The following PCDH15 variants were observed in gnomAD, a reference collection of about 807,000 sequenced individuals.
PCDH15 encodes the protein protocadherin related 15, also known as protocadherin-15.
Under a neutral mutation model 178.5 loss-of-function variants are expected in PCDH15, and 129 were observed. The ratio of observed to expected loss-of-function variants is 0.72; its 90% confidence interval spans 0.63 to 0.84. PCDH15 has a LOEUF of 0.84. Ranked by LOEUF, PCDH15 falls within the 40% of genes least tolerant of loss-of-function variation. The pLI, the probability that PCDH15 is intolerant of heterozygous loss-of-function variation, is 0.00. For missense variants in PCDH15, 2,230 were observed against 2,099.9 expected (o/e 1.06, Z -1.21); for synonymous variants, 800 against 732.0 (o/e 1.09, Z -1.50).
chr10:54,739,756 A>G (rs757248580), intron 1 of PCDH15, among the ~76,000 whole-genome samples: 9 of 152,050 alleles, frequency 5.9e-5, no homozygotes, highest in Non-Finnish European at 1.2e-4. Context: ...ACTCATTTCA[A>G]AAATGGTGCC....
intron 7 of PCDH15, among the ~76,000 whole-genome samples, chr10:54,323,968 C>A (rs1282952374): frequency 2.0e-5 from 3 of 152,072 alleles, no homozygotes; most frequent in Non-Finnish European, 2.9e-5. Context: ...ATTATATTAT[C>A]ATTTATAGCC....
At chr10:54,879,990 T>C (rs907768447) in intron 3 of PCDH15, among the ~76,000 whole-genome samples, 1 of 151,734 alleles carries the variant, frequency 6.6e-6, no homozygotes. Context: ...AGTTCTTCCC[T>C]ATCTACACTG....
intron 5 of PCDH15, among the ~76,000 whole-genome samples, chr10:54,349,380 A>G (rs1447691678): frequency 5.9e-5 from 9 of 152,210 alleles, no homozygotes; most frequent in Non-Finnish European, 1.2e-4. Context: ...TATGACAGAA[A>G]TTTGTTGGAA....
intron 2 of PCDH15, among the ~76,000 whole-genome samples, chr10:55,568,252 T>C (rs1480734152): frequency 3.3e-5 from 5 of 151,984 alleles, no homozygotes; most frequent in Non-Finnish European, 7.4e-5. Context: ...TGCTAATATA[T>C]GCTACAACAT....
intron 20 of PCDH15, among the ~76,000 whole-genome samples, chr10:54,011,155 T>C (rs77635219): frequency 5.1e-4 from 78 of 152,222 alleles, no homozygotes; most frequent in Admixed American, 1.3e-3. Context: ...AGTTTTGAGT[T>C]TCCCTCAGGT....
chr10:55,468,720 A>G (rs1379533163), intron 2 of PCDH15, among the ~76,000 whole-genome samples: 1 of 152,196 alleles, frequency 6.6e-6, no homozygotes, highest in African/African-American at 2.4e-5. Flanking sequence ...AAATATTTGA[A>G]TTTCATTTGA....
chr10:54,920,799 T>C (rs902620855), intron 2 of PCDH15, among the ~76,000 whole-genome samples: 7 of 152,180 alleles, frequency 4.6e-5, no homozygotes, highest in Non-Finnish European at 1.0e-4. Context: ...CAGAATGGAA[T>C]ATACACAACT....
At chr10:53,925,423 T>A (rs1311617753) in intron 25 of PCDH15, among the ~76,000 whole-genome samples, 2 of 151,916 alleles carry the variant, frequency 1.3e-5, no homozygotes, top group Non-Finnish European at 1.5e-5. Context: ...CGCCCGAACA[T>A]CAGAAGGAAA....
At chr10:55,447,079 T>A (rs2132076567) in intron 2 of PCDH15, among the ~76,000 whole-genome samples, 1 of 152,060 alleles carries the variant, frequency 6.6e-6, no homozygotes, top group South Asian at 2.1e-4. Flanking sequence ...TAAAGAAGTG[T>A]CAAACACAAT....
chr10:55,321,127 GGAAAA>G (rs966515586), upstream of PCDH15, among the ~76,000 whole-genome samples: 6 of 150,952 alleles, frequency 4.0e-5, no homozygotes, highest in Admixed American at 1.3e-4. Flanking sequence ...GAAAGAGAAA[GGAAAA>G]GAAAAGAAAA....
intron 3 of PCDH15, among the ~76,000 whole-genome samples, chr10:54,481,165 C>A (rs2078689580): frequency 6.6e-6 from 1 of 151,884 alleles, no homozygotes; most frequent in Non-Finnish European, 1.5e-5. Context: ...ATAGCACAGT[C>A]ATATAGTTCA....
intron 1 of PCDH15, among the ~76,000 whole-genome samples, chr10:54,753,901 T>G (rs79393520): frequency 0.014 from 562 of 39,462 alleles, 4 homozygotes; most frequent in Non-Finnish European, 0.021. Flanking sequence ...TGTGTTTTTT[T>G]TTTTTTTTTT....
intron 3 of PCDH15, among the ~76,000 whole-genome samples, chr10:54,491,517 G>A (rs2079591972): frequency 6.6e-6 from 1 of 152,040 alleles, no homozygotes; most frequent in African/African-American, 2.4e-5. Context: ...TAGAGTAGAT[G>A]ATTAGAAAGT....
chr10:53,892,020 GTTTTTTTTTTTTTTT>G (rs869122093), intron 26 of PCDH15, among the ~76,000 whole-genome samples: 1 of 91,864 alleles, frequency 1.1e-5, no homozygotes, highest in East Asian at 3.6e-4. Flanking sequence ...TTACATCTAT[GTTTTTTTTTTTTTTT>G]TTTTTTTTTC....
At position 54,185,230 on chromosome 10, in the gene PCDH15, G is replaced by A. The variant is rs2133818301; in HGVS notation, c.1344C>T (p.Tyr448=). Residue 448 remains tyrosine, a synonymous_variant, in exon 12 of 38, where the codon TAC becomes TAT. Coordinates refer to ENST00000644397, the MANE Select transcript of PCDH15 (RefSeq NM_001384140.1). The stretch of plus-strand genomic sequence containing the variant: ...TCTGTGTGACGGTGAAGACTGAGGT[G>A]TAGTCATTCAGAAAAAGGTGAAGCT... The part of the protein sequence containing the change: ...DPELHLFLND[Y]TSVFTVTQTG... 1.2e-6 allele frequency: 2 copies of A among 1,613,564 alleles called. No individual in the cohort carries two copies.
chr10:55,120,864 G>A (rs1192433953), intron 2 of PCDH15, among the ~76,000 whole-genome samples: 1 of 152,168 alleles, frequency 6.6e-6, no homozygotes, highest in Non-Finnish European at 1.5e-5. Context: ...TAGGTGCATA[G>A]AGTACAAAAG....
intron 3 of PCDH15, among the ~76,000 whole-genome samples, chr10:54,481,917 C>T (rs2078746632): frequency 6.6e-6 from 1 of 151,684 alleles, no homozygotes; most frequent in Non-Finnish European, 1.5e-5. Flanking sequence ...TGCATATATT[C>T]AGAGCTCCAT....
At chr10:53,933,494 G>C (rs1185707758) in intron 25 of PCDH15, among the ~76,000 whole-genome samples, 1 of 152,096 alleles carries the variant, frequency 6.6e-6, no homozygotes, top group Non-Finnish European at 1.5e-5. Flanking sequence ...CCCTATAAAG[G>C]ACATGAACTC....
At chr10:55,403,379 T>G (rs1049407592) in intron 2 of PCDH15, among the ~76,000 whole-genome samples, 1 of 151,798 alleles carries the variant, frequency 6.6e-6, no homozygotes, top group African/African-American at 2.4e-5. Flanking sequence ...TAGTTTAATA[T>G]AGTACCATTT....
Sources: allele counts gnomAD v4.1 joint callset (sites outside exome capture counted in the v4.1 genomes callset), GRCh38; gene constraint gnomAD v4.1.1; transcripts MANE v1.5; gene names NCBI Gene and HGNC (gene_info 2026-07-23, HGNC 2026-07-21).